Variants in SLC35D4 observed in about 807,000 individuals in gnomAD.
The protein encoded by SLC35D4 is UDP-N-acetylglucosamine transporter SLC35D4.
At chr18:23,372,353 A>C in the SLC35D4 span, among the ~76,000 whole-genome samples, 1 of 152,138 alleles carries the variant, frequency 6.6e-6, no homozygotes, top group Non-Finnish European at 1.5e-5. Flanking sequence ...ATGACACTGG[A>C]TCACAGGATA....
the SLC35D4 span, among the ~76,000 whole-genome samples, chr18:23,272,705 C>T: frequency 6.6e-6 from 1 of 152,190 alleles, no homozygotes; most frequent in South Asian, 2.1e-4. Flanking sequence ...ACTGCCTACA[C>T]GAACCTGACT....
the SLC35D4 span, chr18:23,297,081 C>T: frequency 6.6e-6 from 1 of 152,208 alleles, no homozygotes; most frequent in African/African-American, 2.4e-5. Context: ...GATGTAAAAA[C>T]ATGAATGAAA....
chr18:23,364,916 AAAAAAAAAAAAAAAAAAG>A, the SLC35D4 span, among the ~76,000 whole-genome samples: 1 of 3,040 alleles, frequency 3.3e-4, no homozygotes, highest in Admixed American at 7.9e-3. Context: ...AAAAAAAAAA[AAAAAAAAAAAAAAAAAAG>A]GACTCCTTTC....
At chr18:23,276,427 A>AT in the SLC35D4 span, among the ~76,000 whole-genome samples, 4 of 147,060 alleles carry the variant, frequency 2.7e-5, no homozygotes, top group African/African-American at 1.0e-4. Context: ...TTTTACCAGA[A>AT]TTTTGTTTTT....
At chr18:23,358,146 G>A in the SLC35D4 span, among the ~76,000 whole-genome samples, 7 of 152,186 alleles carry the variant, frequency 4.6e-5, no homozygotes, top group African/African-American at 1.4e-4. Flanking sequence ...TGGAGAATTC[G>A]TTCCGTCTCT....
At chr18:23,352,353 TG>T in the SLC35D4 span, 1 of 1,307,136 alleles carries the variant, frequency 7.7e-7, no homozygotes, top group Admixed American at 2.2e-5. Context: ...GGCTGACTAG[TG>T]TCTGCTACAT....
chr18:23,397,192 C>T, the SLC35D4 span, among the ~76,000 whole-genome samples: 1 of 152,160 alleles, frequency 6.6e-6, no homozygotes, highest in Non-Finnish European at 1.5e-5. Flanking sequence ...CATGAATAGG[C>T]CTCCAAGTGT....
At chr18:23,292,795 C>G in the SLC35D4 span, among the ~76,000 whole-genome samples, 1 of 152,150 alleles carries the variant, frequency 6.6e-6, no homozygotes, top group African/African-American at 2.4e-5. Flanking sequence ...TGACAGGGAG[C>G]CTGGAGAGTA....
At chr18:23,312,490 C>T in the SLC35D4 span, among the ~76,000 whole-genome samples, 1 of 152,160 alleles carries the variant, frequency 6.6e-6, no homozygotes, top group South Asian at 2.1e-4. Context: ...AGTTTTATCA[C>T]CTAAGGAACA....
chr18:23,285,516 TG>T, the SLC35D4 span, among the ~76,000 whole-genome samples: 2 of 152,180 alleles, frequency 1.3e-5, no homozygotes, highest in African/African-American at 4.8e-5. Context: ...TGTCGTAAAA[TG>T]GGCAAATGGT....
chr18:23,384,530 C>T, the SLC35D4 span, among the ~76,000 whole-genome samples: 1 of 152,206 alleles, frequency 6.6e-6, no homozygotes, highest in East Asian at 1.9e-4. Context: ...GTCATTATTA[C>T]CACCTTGCAC....
At chr18:23,416,553 T>C in the SLC35D4 span, among the ~76,000 whole-genome samples, 1 of 152,106 alleles carries the variant, frequency 6.6e-6, no homozygotes, top group Admixed American at 6.5e-5. Flanking sequence ...CGAAAGAACG[T>C]GGGTGCTGGA....
the SLC35D4 span, among the ~76,000 whole-genome samples, chr18:23,241,550 C>G: frequency 2.0e-5 from 3 of 152,238 alleles, no homozygotes; most frequent in South Asian, 4.1e-4. Flanking sequence ...AATAAAAATG[C>G]TCAGTGATAT....
At chr18:23,349,456 C>A in the SLC35D4 span, among the ~76,000 whole-genome samples, 1 of 152,144 alleles carries the variant, frequency 6.6e-6, no homozygotes, top group Admixed American at 6.6e-5. Flanking sequence ...ATGGTGAAAC[C>A]CCGTCTCTGC....
At chr18:23,403,624 G>A in the SLC35D4 span, among the ~76,000 whole-genome samples, 13 of 152,178 alleles carry the variant, frequency 8.5e-5, no homozygotes, top group African/African-American at 2.4e-4. Flanking sequence ...GCTGTAGTAC[G>A]GAGAACACGT....
At chr18:23,272,749 C>T in the SLC35D4 span, among the ~76,000 whole-genome samples, 1 of 152,198 alleles carries the variant, frequency 6.6e-6, no homozygotes, top group African/African-American at 2.4e-5. Context: ...GCATTTCTTT[C>T]CTCTTTTGGT....
chr18:23,366,176 A>T, the SLC35D4 span, among the ~76,000 whole-genome samples: 1 of 152,052 alleles, frequency 6.6e-6, no homozygotes, highest in African/African-American at 2.4e-5. Context: ...ACTGATTTTC[A>T]ATAGATGCCA....
the SLC35D4 span, among the ~76,000 whole-genome samples, chr18:23,349,350 T>A: frequency 0.26 from 39,925 of 152,208 alleles, 5,765 homozygotes; most frequent in East Asian, 0.4. Context: ...ACCTGTTTTT[T>A]GGCCAGGCAC....
chr18:23,366,266 C>A, the SLC35D4 span, among the ~76,000 whole-genome samples: 2 of 152,178 alleles, frequency 1.3e-5, no homozygotes, highest in Admixed American at 6.5e-5. Context: ...AATCTCCCAT[C>A]GTCCTCTCTG....
Sources: gnomAD v4.1 joint callset for allele counts (sites outside exome capture counted in the v4.1 genomes callset) on GRCh38, gnomAD v4.1.1 for gene constraint, MANE v1.5 for transcripts, NCBI Gene and HGNC (gene_info 2026-07-23, HGNC 2026-07-21) for gene names.